NEO1: variants seen among roughly 807,000 people sequenced by gnomAD.
NEO1 encodes neogenin 1.
NEO1 carries 63 observed loss-of-function variants against 159.7 expected under a neutral mutation model. The observed-to-expected ratio is 0.39, with a 90% confidence interval of 0.32 to 0.49. The LOEUF is 0.49. Among genes scored for constraint, NEO1 ranks in the 20% least tolerant of loss-of-function variants. The pLI is 0.85. For missense variants in NEO1, 1,615 were observed against 1,831.0 expected, an observed-to-expected ratio of 0.88 and a Z score of 2.15; for synonymous variants, 633 against 662.0, an observed-to-expected ratio of 0.96 and a Z score of 0.67.
intron 7 of NEO1, among the ~76,000 whole-genome samples, chr15:73,198,885 C>A (rs1321894844): frequency 6.6e-6 from 1 of 151,768 alleles, no homozygotes; most frequent in Non-Finnish European, 1.5e-5. Flanking sequence ...AGATAGTTCT[C>A]ATATATCCTA....
At chr15:73,160,811 A>G (rs2034120043) in intron 5 of NEO1, among the ~76,000 whole-genome samples, 1 of 152,162 alleles carries the variant, frequency 6.6e-6, no homozygotes, top group South Asian at 2.1e-4. Context: ...CCCTGTCCTT[A>G]TAAGTTTCTA....
chr15:73,223,873 T>G (rs12442220), intron 7 of NEO1, among the ~76,000 whole-genome samples: 34 of 152,326 alleles, frequency 2.2e-4, no homozygotes, highest in Admixed American at 1.4e-3. Flanking sequence ...GCTTTTTAAC[T>G]TGTACTTTTG....
intron 13 of NEO1, among the ~76,000 whole-genome samples, chr15:73,256,356 T>C (rs1241096748): frequency 6.6e-6 from 1 of 152,122 alleles, no homozygotes; most frequent in Middle Eastern, 3.4e-3. Context: ...AAAAATTAGC[T>C]GGGTGTGGTG....
In NEO1 at chr15:73,216,351, G is replaced by A. The variant is rs1232377935; in HGVS notation, c.1292-19996G>A. On this transcript the variant is annotated intron_variant, in intron 7 of 28. Transcript: ENST00000261908. ...CTATCATTGTTGGACATTTGGGTTG[G>A]TTCCAAGTCTTTGCTATTGTGAATA... 2.0e-5 allele frequency among the ~76,000 whole-genome samples: 3 copies of A among 152,074 alleles called. No individual in the cohort carries two copies. In the East Asian group the frequency reaches 5.8e-4, roughly 29 times the overall value.
intron 7 of NEO1, among the ~76,000 whole-genome samples, chr15:73,218,265 A>C: frequency 6.7e-6 from 1 of 150,062 alleles, no homozygotes; most frequent in African/African-American, 2.4e-5. Context: ...CTTGCATCCC[A>C]GGGATGAAGC....
chr15:73,243,597 T>C (rs1488491397), intron 8 of NEO1, among the ~76,000 whole-genome samples: 6 of 152,182 alleles, frequency 3.9e-5, no homozygotes, highest in Non-Finnish European at 8.8e-5. Context: ...CCTGTGTTGG[T>C]CACACAGACC....
intron 5 of NEO1, among the ~76,000 whole-genome samples, chr15:73,169,742 A>G (rs568582914): frequency 7.8e-6 from 1 of 128,906 alleles, no homozygotes; most frequent in East Asian, 2.5e-4. Context: ...GCAGTTCTTT[A>G]GACTCAAGGA....
chr15:73,220,940 T>C (rs1036428477), intron 7 of NEO1, among the ~76,000 whole-genome samples: 2 of 152,258 alleles, frequency 1.3e-5, no homozygotes, highest in African/African-American at 4.8e-5. Flanking sequence ...AAAGTCATTC[T>C]CTATCCAGCT....
intron 1 of NEO1, among the ~76,000 whole-genome samples, chr15:73,097,117 C>T (rs2070089817): frequency 6.6e-6 from 1 of 151,914 alleles, no homozygotes; most frequent in African/African-American, 2.4e-5. Flanking sequence ...CAGAGCGAGA[C>T]CCTGTCTCAA....
chr15:73,080,525 AT>A (rs56246242), intron 1 of NEO1, among the ~76,000 whole-genome samples: 88 of 148,246 alleles, frequency 5.9e-4, no homozygotes, highest in African/African-American at 1.4e-3. Flanking sequence ...ATTTTTTTCC[AT>A]TTTTTTTTTT....
intron 5 of NEO1, among the ~76,000 whole-genome samples, chr15:73,166,549 G>T (rs1340142149): frequency 6.6e-6 from 1 of 152,182 alleles, no homozygotes; most frequent in Admixed American, 6.5e-5. Context: ...TTTCAGGAAG[G>T]TAGAAGTTAT....
chr15:73,240,140 G>A (rs748070811), intron 8 of NEO1, among the ~76,000 whole-genome samples: 18 of 152,238 alleles, frequency 1.2e-4, no homozygotes, highest in Non-Finnish European at 1.6e-4. Flanking sequence ...TGAGATATGC[G>A]TCAATATGTG....
intron 1 of NEO1, among the ~76,000 whole-genome samples, chr15:73,068,066 A>G (rs971980933): frequency 2.6e-5 from 4 of 152,292 alleles, no homozygotes; most frequent in East Asian, 1.9e-4. Flanking sequence ...ACATTCCTAT[A>G]TCATTAGTTT....
At chr15:73,130,026 C>T (rs560318484) in intron 4 of NEO1, among the ~76,000 whole-genome samples, 2 of 152,108 alleles carry the variant, frequency 1.3e-5, no homozygotes, top group African/African-American at 2.4e-5. Context: ...GACAGAGTCT[C>T]GCTCTGTTAC....
At chr15:73,294,921 C>A (rs2042297623) in intron 26 of NEO1, among the ~76,000 whole-genome samples, 1 of 151,700 alleles carries the variant, frequency 6.6e-6, no homozygotes, top group Non-Finnish European at 1.5e-5. Context: ...TAATAATTTC[C>A]AACATTAGCT....
At chr15:73,204,552 C>T (rs894621567) in intron 7 of NEO1, among the ~76,000 whole-genome samples, 4 of 152,056 alleles carry the variant, frequency 2.6e-5, no homozygotes, top group African/African-American at 7.2e-5. Flanking sequence ...TCCACACCCA[C>T]GTTGAATCTA....
intron 1 of NEO1, among the ~76,000 whole-genome samples, chr15:73,115,150 T>A (rs116944881): frequency 2.0e-3 from 302 of 152,242 alleles, no homozygotes; most frequent in Non-Finnish European, 3.0e-3. Context: ...TCAAGTGATT[T>A]TCCCGCCTCA....
chr15:73,245,221 G>A (rs1347148673), intron 9 of NEO1, among the ~76,000 whole-genome samples: 2 of 152,062 alleles, frequency 1.3e-5, no homozygotes, highest in African/African-American at 4.8e-5. Flanking sequence ...TTCCCACAGT[G>A]TCTAATGTAA....
chr15:73,173,954 G>C (rs1764377834), intron 5 of NEO1, among the ~76,000 whole-genome samples: 1 of 151,898 alleles, frequency 6.6e-6, no homozygotes, highest in Non-Finnish European at 1.5e-5. Flanking sequence ...ACAAAAATTA[G>C]CCGGACGTGG....
Sources: gnomAD v4.1 joint callset for allele counts (sites outside exome capture counted in the v4.1 genomes callset) on GRCh38, gnomAD v4.1.1 for gene constraint, MANE v1.5 for transcripts, NCBI Gene and HGNC (gene_info 2026-07-23, HGNC 2026-07-21) for gene names.